ADCY8: variants seen among roughly 807,000 people sequenced by gnomAD.
ADCY8 encodes the protein adenylate cyclase 8.
Under a neutral mutation model 119.7 loss-of-function variants are expected in ADCY8, and 51 were observed. The observed-to-expected ratio is 0.43, with a 90% CI of 0.34 to 0.54. The LOEUF (loss-of-function observed/expected upper bound fraction) is 0.54, where lower values mean the gene tolerates loss of function less well. Ranked by LOEUF, ADCY8 falls within the 20% of genes least tolerant of loss-of-function variation. ADCY8 has a pLI of 0.03. For missense variants in ADCY8, 1,383 were observed against 1,598.8 expected, an observed-to-expected ratio of 0.87 and a Z score of 2.30; for synonymous variants, 665 against 651.0, an observed-to-expected ratio of 1.02 and a Z score of -0.33.
intron 8 of ADCY8, among the ~76,000 whole-genome samples, chr8:130,879,226 G>A (rs993361876): frequency 1.8e-4 from 28 of 152,226 alleles, no homozygotes; most frequent in African/African-American, 5.5e-4. Flanking sequence ...AAATGGAAGG[G>A]CCCAAGATAA....
chr8:130,875,203 T>A (rs919768720), intron 8 of ADCY8, among the ~76,000 whole-genome samples: 27 of 151,556 alleles, frequency 1.8e-4, no homozygotes, highest in Non-Finnish European at 4.4e-5. Context: ...AATAAAGGAG[T>A]CTTATAAGGC....
chr8:130,837,233 C>T (rs1434439503), intron 11 of ADCY8, among the ~76,000 whole-genome samples: 1 of 152,142 alleles, frequency 6.6e-6, no homozygotes, highest in Non-Finnish European at 1.5e-5. Flanking sequence ...ACTTGAAGTT[C>T]TTTCATGGCT....
intron 1 of ADCY8, among the ~76,000 whole-genome samples, chr8:131,022,102 T>C (rs1250526589): frequency 2.0e-5 from 3 of 152,000 alleles, no homozygotes; most frequent in Admixed American, 1.3e-4. Context: ...TCTTTTTCCA[T>C]TTGGTGTGCA....
At chr8:130,890,842 C>T (rs933192344) in intron 7 of ADCY8, among the ~76,000 whole-genome samples, 21 of 152,156 alleles carry the variant, frequency 1.4e-4, no homozygotes, top group African/African-American at 4.8e-4. Context: ...AGTGAAAGCA[C>T]TTTATTCTTT....
intron 4 of ADCY8, 150 bp from the exon 5 acceptor site, chr8:130,937,350 T>A: frequency 1.2e-6 from 1 of 826,028 alleles, no homozygotes; most frequent in Non-Finnish European, 1.8e-6. Context: ...CCTGTCTTTC[T>A]AAAATATTTG....
At chr8:130,986,125 C>T (rs1822395162) in intron 2 of ADCY8, among the ~76,000 whole-genome samples, 1 of 152,136 alleles carries the variant, frequency 6.6e-6, no homozygotes, top group Admixed American at 6.6e-5. Flanking sequence ...AAGAAAGATG[C>T]TTCAAGATGT....
intron 1 of ADCY8, among the ~76,000 whole-genome samples, chr8:131,013,512 C>G (rs1823375991): frequency 6.6e-6 from 1 of 151,954 alleles, no homozygotes; most frequent in South Asian, 2.1e-4. Flanking sequence ...GTATCTCTGC[C>G]ACAAGACCCC....
chr8:130,801,901 T>G (rs1815791182), intron 14 of ADCY8, among the ~76,000 whole-genome samples: 1 of 99,156 alleles, frequency 1.0e-5, no homozygotes, highest in African/African-American at 6.1e-5. Context: ...GAGAATGCCT[T>G]TTTTTTTTTT....
chr8:130,974,467 A>G (rs1423469624), intron 2 of ADCY8, among the ~76,000 whole-genome samples: 1 of 152,220 alleles, frequency 6.6e-6, no homozygotes. Flanking sequence ...TTGAAATCAA[A>G]TTTAGTGGAT....
intron 9 of ADCY8, among the ~76,000 whole-genome samples, chr8:130,853,616 A>C (rs1217988774): frequency 6.8e-6 from 1 of 147,106 alleles, no homozygotes; most frequent in Non-Finnish European, 1.5e-5. Flanking sequence ...GATTGAACTT[A>C]TGTGTAATCT....
intron 9 of ADCY8, among the ~76,000 whole-genome samples, chr8:130,859,974 A>C (rs918144369): frequency 6.6e-6 from 1 of 152,180 alleles, no homozygotes; most frequent in African/African-American, 2.4e-5. Context: ...TGTGGCTGAT[A>C]TCTTATTCCT....
intron 1 of ADCY8, among the ~76,000 whole-genome samples, chr8:130,992,865 T>A (rs1822644434): frequency 6.6e-6 from 1 of 152,172 alleles, no homozygotes; most frequent in Admixed American, 6.5e-5. Flanking sequence ...ATGCAATTCT[T>A]ATAAATTTTA....
intron 15 of ADCY8, among the ~76,000 whole-genome samples, chr8:130,786,871 G>A (rs1335654937): frequency 1.3e-5 from 2 of 152,184 alleles, no homozygotes; most frequent in South Asian, 2.1e-4. Context: ...AGGGTGAGGA[G>A]GGGTTTTTCT....
chr8:130,790,083 G>A (rs1231516925), intron 15 of ADCY8, among the ~76,000 whole-genome samples: 1 of 152,162 alleles, frequency 6.6e-6, no homozygotes, highest in Non-Finnish European at 1.5e-5. Context: ...TGCCTTTGAT[G>A]GGCTTGCCGT....
chr8:130,851,815 C>T (rs1817538688), intron 9 of ADCY8, among the ~76,000 whole-genome samples: 2 of 152,142 alleles, frequency 1.3e-5, no homozygotes, highest in South Asian at 2.1e-4. Flanking sequence ...AGAAGCTAGT[C>T]TGTACAGGAG....
At chr8:131,002,438 T>C (rs558471021) in intron 1 of ADCY8, among the ~76,000 whole-genome samples, 7 of 152,254 alleles carry the variant, frequency 4.6e-5, no homozygotes, top group South Asian at 2.1e-4. Flanking sequence ...AGAAAATCTA[T>C]AGGAGTAGCT....
chr8:130,961,106 T>A (rs1409715253), intron 2 of ADCY8, among the ~76,000 whole-genome samples: 3 of 152,066 alleles, frequency 2.0e-5, no homozygotes, highest in Admixed American at 2.0e-4. Context: ...CTCCAATCAC[T>A]TTCTTTCTTA....
rs374802872 is a variant in ADCY8 at position 131,031,311 on chromosome 8, C to T, written c.960+8063G>A. ...TACCTTTTTGTGAATCAGAATTTCTCCTGCTTTAATGGCTATCCATTGGTC... is the reference window on the plus strand; with the variant it reads ...TACCTTTTTGTGAATCAGAATTTCTTCTGCTTTAATGGCTATCCATTGGTC... On this transcript the variant is annotated intron_variant, in intron 1 of 17. Transcript: ENST00000286355. Among the ~76,000 whole-genome samples, 20 of 152,312 alleles carry T rather than the reference C, an allele frequency of 1.3e-4. No individual in the cohort carries two copies. The East Asian group carries it at 2.3e-3, about 18-fold the overall frequency.
intron 1 of ADCY8, among the ~76,000 whole-genome samples, chr8:131,038,417 A>C (rs577933707): frequency 1.3e-5 from 2 of 152,110 alleles, no homozygotes; most frequent in South Asian, 4.2e-4. Flanking sequence ...CCCCAAAGTC[A>C]CTCTCCTGTT....
Sources: allele counts gnomAD v4.1 joint callset (sites outside exome capture counted in the v4.1 genomes callset), GRCh38; gene constraint gnomAD v4.1.1; transcripts MANE v1.5; gene names NCBI Gene and HGNC (gene_info 2026-07-23, HGNC 2026-07-21).